EHBP1: variants seen among roughly 807,000 people sequenced by gnomAD.
EHBP1 encodes the protein EH domain-binding protein 1.
In EHBP1, 55 loss-of-function variants were observed where a neutral mutation model predicts 144.0. The observed-to-expected ratio is 0.38, with a 90% CI of 0.31 to 0.48. EHBP1 has a LOEUF of 0.48. EHBP1 is among the 20% of genes least tolerant of loss of function. The probability of loss-of-function intolerance (pLI) is 0.98; values close to 1 mark genes in which losing one functional copy is unlikely to be tolerated. For synonymous variants in EHBP1, 469 were observed against 472.7 expected (o/e 0.99, Z 0.10); for missense variants, 1,200 against 1,364.2 (o/e 0.88, Z 1.90).
At chr2:63,026,316 G>A (rs996684768) in intron 19 of EHBP1, among the ~76,000 whole-genome samples, 1 of 150,984 alleles carries the variant, frequency 6.6e-6, no homozygotes, top group Admixed American at 6.6e-5. Context: ...GTGTGTGTGT[G>A]TGTGTGTGTG....
At chr2:62,845,536 A>T (rs1489493908) in intron 7 of EHBP1, among the ~76,000 whole-genome samples, 3 of 152,092 alleles carry the variant, frequency 2.0e-5, no homozygotes, top group Admixed American at 6.5e-5. Flanking sequence ...GAATGGAGAT[A>T]AGTAGGTATC....
chr2:62,742,362 A>G (rs892331181), intron 2 of EHBP1, among the ~76,000 whole-genome samples: 4 of 152,152 alleles, frequency 2.6e-5, no homozygotes, highest in South Asian at 2.1e-4. Context: ...TCCCCCACAG[A>G]TATGGAGAGA....
chr2:62,695,499 G>A (rs548485153), intron 1 of EHBP1, among the ~76,000 whole-genome samples: 1 of 152,272 alleles, frequency 6.6e-6, no homozygotes, highest in East Asian at 1.9e-4. Flanking sequence ...GTGTATCAAT[G>A]GGCAGAATAG....
intron 5 of EHBP1, among the ~76,000 whole-genome samples, chr2:62,803,536 T>C (rs1196413026): frequency 1.3e-5 from 2 of 152,226 alleles, no homozygotes; most frequent in Non-Finnish European, 1.5e-5. Context: ...ATTATAATTT[T>C]ATTTCCCTGA....
intron 5 of EHBP1, among the ~76,000 whole-genome samples, chr2:62,800,871 T>C (rs2043930484): frequency 6.6e-6 from 1 of 152,196 alleles, no homozygotes; most frequent in Admixed American, 6.5e-5. Flanking sequence ...AAAGGCTTAG[T>C]AGAACTAGAT....
intron 10 of EHBP1, among the ~76,000 whole-genome samples, chr2:62,879,019 A>C (rs1230278931): frequency 2.0e-5 from 3 of 149,234 alleles, no homozygotes; most frequent in East Asian, 3.9e-4. Context: ...CGCTGTCTCA[A>C]AAAAAAAAAA....
chr2:62,938,168 A>G (rs903395944), intron 10 of EHBP1, among the ~76,000 whole-genome samples: 1 of 152,222 alleles, frequency 6.6e-6, no homozygotes, highest in Non-Finnish European at 1.5e-5. Flanking sequence ...AAAGATCACC[A>G]TTATGGTTTT....
At chr2:62,739,402 T>C (rs1322659310) in intron 2 of EHBP1, among the ~76,000 whole-genome samples, 3 of 151,928 alleles carry the variant, frequency 2.0e-5, no homozygotes, top group South Asian at 4.1e-4. Flanking sequence ...TTTTTTTTTT[T>C]CTGCTATCTT....
intron 5 of EHBP1, among the ~76,000 whole-genome samples, chr2:62,803,974 TA>T (rs1451209861): frequency 1.3e-5 from 2 of 152,196 alleles, no homozygotes; most frequent in Non-Finnish European, 2.9e-5. Context: ...ATCTACTTCC[TA>T]GGATTGTTTT....
Position 62,747,328 on chromosome 2 carries a change from A to G in EHBP1, c.105-67A>G, listed in dbSNP as rs575950973. The G allele has an allele frequency of 6.8e-6, 10 of 1,474,192 alleles. No homozygotes were observed. The African/African-American group carries it at 9.9e-5, about 15-fold the overall frequency. 91.3% of individuals were successfully genotyped at this position (1,474,192 alleles called of 1,614,324 possible). Reference sequence around the variant, plus strand: ...AAGCAGATGACATTTTTGCCCTTTTAAAGGCGCTAAAATGAAACTTTATTT... The same window carrying G: ...AAGCAGATGACATTTTTGCCCTTTTGAAGGCGCTAAAATGAAACTTTATTT... On this transcript the variant is annotated intron_variant, in intron 2 of 22. Transcript: ENST00000431489.
chr2:62,854,794 C>T (rs1264636038), intron 7 of EHBP1, among the ~76,000 whole-genome samples: 1 of 152,214 alleles, frequency 6.6e-6, no homozygotes, highest in Non-Finnish European at 1.5e-5. Context: ...GTCGTCATGC[C>T]TGCTACAGCA....
intron 19 of EHBP1, among the ~76,000 whole-genome samples, chr2:63,015,134 G>A (rs1166345591): frequency 1.3e-5 from 2 of 152,090 alleles, no homozygotes; most frequent in Non-Finnish European, 2.9e-5. Context: ...ACATATATTT[G>A]ATGTTTCTAT....
intron 1 of EHBP1, among the ~76,000 whole-genome samples, chr2:62,679,939 G>A (rs1421703547): frequency 6.6e-6 from 1 of 152,156 alleles, no homozygotes; most frequent in Non-Finnish European, 1.5e-5. Flanking sequence ...CTTCATCTGA[G>A]CGTTTATCTA....
chr2:62,992,300 A>G (rs1206124151), intron 16 of EHBP1, among the ~76,000 whole-genome samples: 2 of 152,204 alleles, frequency 1.3e-5, no homozygotes, highest in African/African-American at 4.8e-5. Context: ...TGTTGCTATC[A>G]TAACTATATG....
chr2:62,763,639 A>G (rs1303138858), intron 3 of EHBP1, among the ~76,000 whole-genome samples: 1 of 152,180 alleles, frequency 6.6e-6, no homozygotes, highest in Admixed American at 6.6e-5. Flanking sequence ...GAAGTTCCAC[A>G]AAGGAAGAAC....
rs2041003757 is a variant in EHBP1, at chr2:62,764,343, C to A, written c.240C>A (p.Ile80=). 1 of 1,576,360 alleles carries A rather than the reference C, an allele frequency of 6.3e-7. No homozygotes were observed. Among genetic ancestry groups the A allele is most frequent in the African/African-American group, 1.4e-5 (1 of 72,494 alleles). ...GGCCTGTTCCTGAAAACATTGAAAT[C>A]ACTGTAACACTTTTTAAGGTAAGTT... ...VVWPVPENIE[I]TVTLFKDPHA... is the part of the protein sequence containing the mutation. Residue 80 remains isoleucine (I), a synonymous_variant, in exon 4 of 23, where the codon ATC becomes ATA. Coordinates refer to ENST00000431489, the MANE Select transcript of EHBP1 (RefSeq NM_001142616.3).
At position 62,921,216 on chromosome 2, in the gene EHBP1, C is replaced by T. The variant is rs371802585; in HGVS notation, c.1186-21502C>T. Among the ~76,000 whole-genome samples the T allele has an allele frequency of 5.1e-4, 77 of 152,118 alleles. 1 individual carries two copies. Among genetic ancestry groups the T allele is most frequent in the African/African-American group, 1.6e-3 (66 of 41,508 alleles). On this transcript the variant is annotated intron_variant, in intron 10 of 22. Transcript: ENST00000431489. ...ATCCCAGCACTTTGGGAGGCTGAGG[C>T]GGGCGGATCACTTGAGCTCACAAGT...
At chr2:62,687,237 A>G (rs1424492773) in intron 1 of EHBP1, among the ~76,000 whole-genome samples, 1 of 152,236 alleles carries the variant, frequency 6.6e-6, no homozygotes, top group Admixed American at 6.5e-5. Context: ...AATTTATAAG[A>G]TGAAAGTAAA....
At chr2:62,952,227 C>G (rs1311879494) in intron 13 of EHBP1, among the ~76,000 whole-genome samples, 1 of 152,152 alleles carries the variant, frequency 6.6e-6, no homozygotes, top group Non-Finnish European at 1.5e-5. Context: ...AAAGTAATGT[C>G]TAACAATAAA....
Sources: gnomAD v4.1 joint callset for allele counts (sites outside exome capture counted in the v4.1 genomes callset) on GRCh38, gnomAD v4.1.1 for gene constraint, MANE v1.5 for transcripts, NCBI Gene and HGNC (gene_info 2026-07-23, HGNC 2026-07-21) for gene names.